CDKAL1: variants seen among roughly 807,000 people sequenced by gnomAD.
CDKAL1 encodes the protein threonylcarbamoyladenosine tRNA methylthiotransferase.
CDKAL1 carries 32 observed loss-of-function variants against 68.2 expected under a neutral mutation model. The observed-to-expected ratio is 0.47, with a 90% CI of 0.35 to 0.63. The LOEUF (loss-of-function observed/expected upper bound fraction) is 0.63. CDKAL1 is among the 30% of genes least tolerant of loss of function. The probability of loss-of-function intolerance (pLI) is 0.00; values close to 1 mark genes in which losing one functional copy is unlikely to be tolerated. For missense variants in CDKAL1, 606 were observed against 696.7 expected (o/e 0.87, Z 1.47); for synonymous variants, 234 against 244.3 (o/e 0.96, Z 0.39).
At chr6:20,875,901 C>G (rs1428712940) in intron 9 of CDKAL1, among the ~76,000 whole-genome samples, 1 of 152,076 alleles carries the variant, frequency 6.6e-6, no homozygotes, top group Non-Finnish European at 1.5e-5. Flanking sequence ...GGCTTACTAG[C>G]TTAAATAGCT....
chr6:21,023,375 A>G (rs971675475), intron 11 of CDKAL1, among the ~76,000 whole-genome samples: 2 of 152,144 alleles, frequency 1.3e-5, no homozygotes, highest in African/African-American at 2.4e-5. Context: ...CAAGGTGACT[A>G]TAACCTTACA....
chr6:20,772,320 G>A (rs547733340), intron 7 of CDKAL1, among the ~76,000 whole-genome samples: 10 of 152,304 alleles, frequency 6.6e-5, no homozygotes, highest in Admixed American at 6.5e-4. Flanking sequence ...GACCTGAAGA[G>A]TTCTACTAAG....
chr6:20,736,342 C>T (rs1269920377), intron 5 of CDKAL1, among the ~76,000 whole-genome samples: 3 of 152,162 alleles, frequency 2.0e-5, no homozygotes, highest in Non-Finnish European at 4.4e-5. Flanking sequence ...GACTTTTGGT[C>T]CCTTTATAGA....
intron 8 of CDKAL1, among the ~76,000 whole-genome samples, chr6:20,821,610 G>C (rs6931788): frequency 0.15 from 18,811 of 123,478 alleles, 1,354 homozygotes; most frequent in African/African-American, 0.22. Context: ...TTTCTATTTT[G>C]CTCTGTAATG....
chr6:20,962,759 A>T (rs758290965), intron 10 of CDKAL1, among the ~76,000 whole-genome samples: 1 of 152,172 alleles, frequency 6.6e-6, no homozygotes, highest in Non-Finnish European at 1.5e-5. Flanking sequence ...TCCCCTTTTG[A>T]TGAATAAAAA....
At chr6:20,568,577 CA>C (rs1210411835) in intron 4 of CDKAL1, among the ~76,000 whole-genome samples, 1 of 150,958 alleles carries the variant, frequency 6.6e-6, no homozygotes, top group Non-Finnish European at 1.5e-5. Context: ...ACTAACAATA[CA>C]AAAAAAATTA....
intron 4 of CDKAL1, among the ~76,000 whole-genome samples, chr6:20,626,316 CA>C (rs1479288136): frequency 1.3e-5 from 2 of 152,106 alleles, no homozygotes; most frequent in Non-Finnish European, 2.9e-5. Flanking sequence ...TAGATGGAAG[CA>C]GAGACCTTCA....
At chr6:21,016,969 T>C (rs1207541854) in intron 11 of CDKAL1, among the ~76,000 whole-genome samples, 1 of 152,222 alleles carries the variant, frequency 6.6e-6, no homozygotes, top group Non-Finnish European at 1.5e-5. Flanking sequence ...ATAAAAACGT[T>C]GTATTTCTTT....
At chr6:20,852,194 A>G (rs762180109) in intron 9 of CDKAL1, among the ~76,000 whole-genome samples, 4 of 152,150 alleles carry the variant, frequency 2.6e-5, no homozygotes, top group Non-Finnish European at 4.4e-5. Context: ...AAAATGCTGT[A>G]TTGTGTTTTG....
At chr6:20,910,805 A>G (rs1352345461) in intron 9 of CDKAL1, among the ~76,000 whole-genome samples, 1 of 152,246 alleles carries the variant, frequency 6.6e-6, no homozygotes. Flanking sequence ...GATGTCCTAT[A>G]AAAAGCAGTA....
At chr6:20,572,456 T>C (rs919088967) in intron 4 of CDKAL1, among the ~76,000 whole-genome samples, 3 of 152,186 alleles carry the variant, frequency 2.0e-5, no homozygotes, top group African/African-American at 7.2e-5. Context: ...GACAGCAATC[T>C]TTCATTTTGA....
chr6:20,647,381 T>A lies in CDKAL1; in HGVS notation c.287-1912T>A, dbSNP rs148808371. 6.6e-5 allele frequency among the ~76,000 whole-genome samples: 10 copies of A among 152,298 alleles called. No homozygotes were observed. The East Asian group carries it at 1.4e-3, about 21-fold the overall frequency. On this transcript the variant is annotated intron_variant, in intron 4 of 15. Coordinates refer to ENST00000274695, the MANE Select transcript of CDKAL1 (RefSeq NM_017774.3). ...TTGGAGAAGCGCCATATGCATGTGG[T>A]CCCACACATTGCCCCTCTGTCATCC...
chr6:21,208,424 T>A (rs537570818), intron 15 of CDKAL1, among the ~76,000 whole-genome samples: 1 of 152,332 alleles, frequency 6.6e-6, no homozygotes, highest in South Asian at 2.1e-4. Context: ...AAGGCCAGAT[T>A]TGAAAGCACA....
chr6:20,981,064 T>C (rs1206479247), intron 10 of CDKAL1, among the ~76,000 whole-genome samples: 1 of 152,110 alleles, frequency 6.6e-6, no homozygotes, highest in African/African-American at 2.4e-5. Context: ...GTGTAGTGGA[T>C]GAGGGCAAGA....
intron 11 of CDKAL1, among the ~76,000 whole-genome samples, chr6:21,037,512 A>T (rs1769657856): frequency 6.6e-6 from 1 of 152,202 alleles, no homozygotes; most frequent in Non-Finnish European, 1.5e-5. Context: ...CAGGATCTCA[A>T]GTCTCTGGAA....
At chr6:21,154,455 T>C (rs1036122628) in intron 13 of CDKAL1, among the ~76,000 whole-genome samples, 3 of 152,238 alleles carry the variant, frequency 2.0e-5, no homozygotes, top group Non-Finnish European at 4.4e-5. Context: ...TGTCATCATG[T>C]ATTTTCAAAG....
At chr6:20,979,116 T>C (rs1411553333) in intron 10 of CDKAL1, among the ~76,000 whole-genome samples, 1 of 152,214 alleles carries the variant, frequency 6.6e-6, no homozygotes, top group Non-Finnish European at 1.5e-5. Context: ...AATGTAAGTA[T>C]AAACAATCTA....
At chr6:20,920,541 T>C (rs1053270381) in intron 9 of CDKAL1, among the ~76,000 whole-genome samples, 2 of 152,306 alleles carry the variant, frequency 1.3e-5, no homozygotes, top group African/African-American at 4.8e-5. Flanking sequence ...ATTTCCAAGA[T>C]TGTAAATCTT....
intron 13 of CDKAL1, among the ~76,000 whole-genome samples, chr6:21,179,036 T>A (rs1003562519): frequency 6.6e-6 from 1 of 152,248 alleles, no homozygotes; most frequent in East Asian, 1.9e-4. Context: ...GAAACTCTTA[T>A]TTTCCATTAT....
Sources: gnomAD v4.1 joint callset for allele counts (sites outside exome capture counted in the v4.1 genomes callset) on GRCh38, gnomAD v4.1.1 for gene constraint, MANE v1.5 for transcripts, NCBI Gene and HGNC (gene_info 2026-07-23, HGNC 2026-07-21) for gene names.